The following STK17B variants were observed in gnomAD, a reference collection of about 807,000 sequenced individuals.
STK17B encodes serine/threonine kinase 17b, also known as serine/threonine-protein kinase 17B.
A neutral mutation model predicts 42.0 loss-of-function variants in STK17B; 21 were observed. That is an observed-to-expected ratio of 0.50 (90% CI 0.35 to 0.72). STK17B has a LOEUF of 0.72. STK17B is among the 30% of genes least tolerant of loss of function. The pLI, the probability that STK17B is intolerant of heterozygous loss-of-function variation, is 0.00. For missense variants in STK17B, 349 were observed against 446.0 expected (o/e 0.78, Z 1.96); for synonymous variants, 143 against 148.4 (o/e 0.96, Z 0.26).
rs1480968550 is a variant in STK17B at position 196,136,719 on chromosome 2, T to G, written c.*728A>C. The G allele has an allele frequency of 6.6e-6, 1 of 152,198 alleles. No homozygotes were observed. Among genetic ancestry groups the G allele is most frequent in the Non-Finnish European group, 1.5e-5 (1 of 68,032 alleles). The allele number at this position is 152,198 out of a possible 1,614,324, so 9.4% of individuals were successfully genotyped here. A position where few individuals can be genotyped will look rare whatever the true frequency, so the allele number is the denominator to read the frequency against. On this transcript the variant is annotated 3_prime_UTR_variant, in exon 8 of 8. Transcript: ENST00000263955. Reference sequence around the variant, plus strand: ...TACACTTGCATACCAAATATCTCCATCTTCCAGACCTTATCAGATCTCAAG... The same window carrying G: ...TACACTTGCATACCAAATATCTCCAGCTTCCAGACCTTATCAGATCTCAAG...
intron 3 of STK17B, among the ~76,000 whole-genome samples, chr2:196,148,770 A>G (rs561698014): frequency 1.3e-5 from 2 of 152,368 alleles, no homozygotes; most frequent in African/African-American, 4.8e-5. Flanking sequence ...CAAATTCGTT[A>G]AAGTTACTTC....
intron 4 of STK17B, 79 bp downstream of exon 4, chr2:196,145,832 A>C (rs1699565100): frequency 7.2e-7 from 1 of 1,386,970 alleles, no homozygotes. Flanking sequence ...GTTTCCTGTT[A>C]ATACCAGTTT....
At chr2:196,165,538 C>T (rs1699865781) in intron 1 of STK17B, 1 of 152,226 alleles carries the variant, frequency 6.6e-6, no homozygotes, top group Non-Finnish European at 1.5e-5. Flanking sequence ...TACACTCCCA[C>T]TAGCACTGGA....
chr2:196,150,476 T>C (rs1699651253), intron 3 of STK17B, among the ~76,000 whole-genome samples: 1 of 152,234 alleles, frequency 6.6e-6, no homozygotes, highest in Non-Finnish European at 1.5e-5. Flanking sequence ...TATCTAGCTC[T>C]ACATCTGTCT....
rs769982333 is a variant in STK17B, at chr2:196,156,658, G to T, written c.123-7C>A. 1 of 1,602,282 alleles carries T rather than the reference G, an allele frequency of 6.2e-7. No individual in the cohort carries two copies. Among genetic ancestry groups the T allele is most frequent in the East Asian group, 2.2e-5 (1 of 44,730 alleles). ...AACCACAGCAAATTTTCCTCTGGGG[G>T]AAGATGAGAACAATCAATTTTAATT... is the stretch of plus-strand genomic sequence containing the variant. On this transcript the variant is annotated splice_region_variant and splice_polypyrimidine_tract_variant and intron_variant, in intron 2 of 7. Coordinates refer to ENST00000263955, the MANE Select transcript of STK17B (RefSeq NM_004226.4).
chr2:196,157,181 T>C (rs973762041), intron 2 of STK17B, among the ~76,000 whole-genome samples: 1 of 151,956 alleles, frequency 6.6e-6, no homozygotes, highest in Non-Finnish European at 1.5e-5. Flanking sequence ...TACATTATCA[T>C]TGCAGGGAAA....
intron 1 of STK17B, among the ~76,000 whole-genome samples, chr2:196,166,763 A>G (rs1352904207): frequency 6.6e-6 from 1 of 152,232 alleles, no homozygotes; most frequent in Non-Finnish European, 1.5e-5. Flanking sequence ...GCAGAAAGCA[A>G]GTGTGATGTG....
At chr2:196,153,164 G>A (rs1179631103) in intron 3 of STK17B, 2 of 139,986 alleles carry the variant, frequency 1.4e-5, no homozygotes, top group African/African-American at 2.6e-5. Flanking sequence ...TCCTAACACT[G>A]AATATCAACA....
intron 3 of STK17B, chr2:196,153,931 G>T (rs572841155): frequency 6.6e-6 from 1 of 152,108 alleles, no homozygotes; most frequent in South Asian, 2.1e-4. Flanking sequence ...GAAATCACTA[G>T]ACGAAAAGTT....
At chr2:196,171,122 G>A (rs872734) in intron 1 of STK17B, 110,378 of 152,704 alleles carry the variant, frequency 0.72, 40,424 homozygotes, top group East Asian at 0.91. Flanking sequence ...CCCGCGCGGA[G>A]CCCCAGGGAA....
chr2:196,172,212 G>A (rs2105722057), upstream of STK17B, among the ~76,000 whole-genome samples: 1 of 152,328 alleles, frequency 6.6e-6, no homozygotes, highest in Middle Eastern at 3.4e-3. Flanking sequence ...GGCAGTGTAG[G>A]GAGGGTCCCA....
At chr2:196,163,124 T>C (rs1482053827) in intron 2 of STK17B, 138 bp downstream of exon 2, 18 of 1,023,634 alleles carry the variant, frequency 1.8e-5, no homozygotes, top group Admixed American at 4.6e-5. Flanking sequence ...GACTGGACCC[T>C]AGGTAACAGC....
chr2:196,139,059 C>A (rs967809463), intron 7 of STK17B, among the ~76,000 whole-genome samples: 1 of 152,066 alleles, frequency 6.6e-6, no homozygotes, highest in Non-Finnish European at 1.5e-5. Flanking sequence ...CTCTGCCTCC[C>A]GGATTCACGC....
In STK17B at chr2:196,163,831, A is replaced by C. The variant is rs533923868; in HGVS notation, c.-44-404T>G. 1.5e-3 allele frequency among the ~76,000 whole-genome samples: 222 copies of C among 152,212 alleles called. 1 individual carries two copies. The highest frequency in any genetic ancestry group is 5.2e-3 in the African/African-American group (214 of 41,530). On this transcript the variant is annotated intron_variant, in intron 1 of 7. Transcript: ENST00000263955. Reference sequence around the variant, plus strand: ...GGCAGGAGGATCACTTGAGGCCAGAAGTTCAAAACCAGTCCTGGCAACATA... The same window carrying C: ...GGCAGGAGGATCACTTGAGGCCAGACGTTCAAAACCAGTCCTGGCAACATA...
At chr2:196,176,137 C>T (rs919626666), upstream of STK17B, 1 of 152,170 alleles carries the variant, frequency 6.6e-6, no homozygotes. Flanking sequence ...ATTCTCATAA[C>T]CTGATAAGAG....
In STK17B at chr2:196,135,777, C is replaced by CAAAAAAAAAAAAAAAAAA. The variant is rs66802894; in HGVS notation, c.*1652_*1669dup. 4.0e-5 allele frequency: 2 copies of CAAAAAAAAAAAAAAAAAA among 50,164 alleles called. 1 individual carries two copies. The highest frequency in any genetic ancestry group is 6.6e-5 in the Non-Finnish European group (2 of 30,170). 3.1% of individuals were successfully genotyped at this position (50,164 alleles called of 1,614,324 possible). On this transcript the variant is annotated 3_prime_UTR_variant, in exon 8 of 8. Transcript: ENST00000263955. ...TGAGAGACAGAGCAAAACTCCATCTCAAAAAAAAAAAAAAAAAAAAAAAGC... is the reference window on the plus strand; with the variant it reads ...TGAGAGACAGAGCAAAACTCCATCTCAAAAAAAAAAAAAAAAAAAAAAAAAAAAAAAAAAAAAAAAAGC...
At chr2:196,157,039 C>A (rs571310552) in intron 2 of STK17B, among the ~76,000 whole-genome samples, 37 of 152,112 alleles carry the variant, frequency 2.4e-4, no homozygotes, top group African/African-American at 8.9e-4. Context: ...GTGGCGCATG[C>A]CTGTAATCCC....
chr2:196,143,692 C>T lies in STK17B; in HGVS notation c.481-6G>A. ...CTCAGTAATATATTCTGTGGCTAAA[C>T]AAAGTACAACAAAAACATGATAAGT... is the stretch of plus-strand genomic sequence containing the variant. On this transcript the variant is annotated splice_region_variant and splice_polypyrimidine_tract_variant and intron_variant, in intron 4 of 7. Coordinates refer to ENST00000263955, the MANE Select transcript of STK17B (RefSeq NM_004226.4). 1 of 1,493,346 alleles carries T rather than the reference C, an allele frequency of 6.7e-7. No homozygotes were observed. The allele number at this position is 1,493,346 out of a possible 1,614,324, so 92.5% of individuals were successfully genotyped here. A position where few individuals can be genotyped will look rare whatever the true frequency, so the allele number is the denominator to read the frequency against.
intron 5 of STK17B, 76 bp from the exon 6 acceptor site, chr2:196,141,373 ACT>A: frequency 8.3e-7 from 1 of 1,207,428 alleles, no homozygotes; most frequent in Non-Finnish European, 1.2e-6. Context: ...TTACGTTATA[ACT>A]GGGACTGGGC....
Sources: allele counts gnomAD v4.1 joint callset (sites outside exome capture counted in the v4.1 genomes callset), GRCh38; gene constraint gnomAD v4.1.1; transcripts MANE v1.5; gene names NCBI Gene and HGNC (gene_info 2026-07-23, HGNC 2026-07-21).